CDH8: variants seen among roughly 807,000 people sequenced by gnomAD.
The protein encoded by CDH8 is cadherin 8.
In CDH8, 17 loss-of-function variants were observed where a neutral mutation model predicts 68.1. The ratio of observed to expected loss-of-function variants is 0.25; its 90% confidence interval spans 0.17 to 0.37. CDH8 has a LOEUF of 0.37. Ranked by LOEUF, CDH8 falls within the 10% of genes least tolerant of loss-of-function variation. The pLI is 1.00. For synonymous variants in CDH8, 372 were observed against 365.1 expected (o/e 1.02, Z -0.21); for missense variants, 763 against 999.3 (o/e 0.76, Z 3.19).
chr16:62,025,332 A>G (rs1363905278), intron 1 of CDH8, among the ~76,000 whole-genome samples: 1 of 151,978 alleles, frequency 6.6e-6, no homozygotes, highest in Non-Finnish European at 1.5e-5. Context: ...GTCTCTACAG[A>G]GTACATATTA....
chr16:61,810,803 CAGA>C (rs1021590578), intron 7 of CDH8, among the ~76,000 whole-genome samples: 1 of 151,978 alleles, frequency 6.6e-6, no homozygotes, highest in Non-Finnish European at 1.5e-5. Context: ...GGGGGCGGAT[CAGA>C]AGGTTAGGAG....
chr16:61,765,039 A>G (rs1462216839), intron 8 of CDH8, among the ~76,000 whole-genome samples: 4 of 152,094 alleles, frequency 2.6e-5, no homozygotes, highest in African/African-American at 9.6e-5. Context: ...AAGAGCTGTA[A>G]ACTGGATAAA....
rs373326853 is a variant in CDH8 at position 61,663,262 on chromosome 16, AT to A, written c.1655-7542del. ...GTTATGTAAATATGTATGAACTTTTATTCAGATTATGATAACAGATTGATTA... is the reference window on the plus strand; with the variant it reads ...GTTATGTAAATATGTATGAACTTTTATCAGATTATGATAACAGATTGATTA... On this transcript the variant is annotated intron_variant, in intron 10 of 11. Transcript: ENST00000577390. 9.2e-5 allele frequency among the ~76,000 whole-genome samples: 14 copies of A among 152,160 alleles called. 1 individual carries two copies. In the East Asian group the frequency reaches 1.7e-3, roughly 19 times the overall value.
intron 3 of CDH8, 167 bp downstream of exon 3, chr16:61,901,012 T>C: frequency 1.7e-6 from 1 of 604,342 alleles, no homozygotes; most frequent in Non-Finnish European, 2.9e-6. Context: ...ACTAAGGGAC[T>C]AAAGCTACTG....
intron 3 of CDH8, among the ~76,000 whole-genome samples, chr16:61,869,406 G>A (rs1026520879): frequency 6.6e-6 from 1 of 152,162 alleles, no homozygotes; most frequent in Non-Finnish European, 1.5e-5. Flanking sequence ...CAGGTTGGAG[G>A]TATGTAAAGG....
At chr16:61,828,077 T>C (rs892805339) in intron 4 of CDH8, among the ~76,000 whole-genome samples, 1 of 151,690 alleles carries the variant, frequency 6.6e-6, no homozygotes, top group Non-Finnish European at 1.5e-5. Context: ...AAGATACAGA[T>C]CATAAAGACC....
chr16:61,961,316 A>G (rs764063665), intron 2 of CDH8, among the ~76,000 whole-genome samples: 8 of 150,194 alleles, frequency 5.3e-5, no homozygotes, highest in Non-Finnish European at 1.0e-4. Context: ...CATAGTCTCA[A>G]AAAAAAAAAG....
chr16:62,011,065 C>T (rs1237166666), intron 2 of CDH8, among the ~76,000 whole-genome samples: 1 of 151,850 alleles, frequency 6.6e-6, no homozygotes, highest in South Asian at 2.1e-4. Context: ...TGCAACCCAG[C>T]TGGGTTATTC....
At chr16:61,695,318 T>A in intron 10 of CDH8, among the ~76,000 whole-genome samples, 1 of 152,138 alleles carries the variant, frequency 6.6e-6, no homozygotes, top group East Asian at 1.9e-4. Flanking sequence ...AACTGTCCCA[T>A]AAGCCCCCCA....
intron 2 of CDH8, among the ~76,000 whole-genome samples, chr16:61,971,100 G>T (rs952123230): frequency 2.6e-5 from 4 of 151,882 alleles, no homozygotes; most frequent in African/African-American, 9.7e-5. Context: ...CACCCTGCCC[G>T]CAAAACATTG....
At chr16:61,824,431 C>T (rs1367724743) in intron 5 of CDH8, among the ~76,000 whole-genome samples, 1 of 151,770 alleles carries the variant, frequency 6.6e-6, no homozygotes. Flanking sequence ...AGAAAGTGTT[C>T]GATGAGAGTA....
At chr16:62,008,028 T>C (rs8049975) in intron 2 of CDH8, among the ~76,000 whole-genome samples, 88,363 of 151,864 alleles carry the variant, frequency 0.58, 25,926 homozygotes, top group East Asian at 0.78. Flanking sequence ...ACACAGCTCA[T>C]TGCAGCCTTG....
At chr16:62,003,061 A>AT (rs2150598161) in intron 2 of CDH8, among the ~76,000 whole-genome samples, 1 of 152,182 alleles carries the variant, frequency 6.6e-6, no homozygotes, top group East Asian at 1.9e-4. Flanking sequence ...CAAAAAAAAA[A>AT]ATCAGAAATG....
chr16:61,704,290 A>G (rs1313005938), intron 10 of CDH8, among the ~76,000 whole-genome samples: 1 of 152,220 alleles, frequency 6.6e-6, no homozygotes, highest in African/African-American at 2.4e-5. Flanking sequence ...CCTTGTCTCC[A>G]GACTTAAATG....
At chr16:61,656,284 C>A (rs770968359) in intron 10 of CDH8, among the ~76,000 whole-genome samples, 2 of 152,160 alleles carry the variant, frequency 1.3e-5, no homozygotes, top group African/African-American at 2.4e-5. Context: ...CAAAATATTT[C>A]TTTTACAAAA....
intron 10 of CDH8, among the ~76,000 whole-genome samples, chr16:61,700,088 T>G (rs1011499284): frequency 2.0e-5 from 3 of 152,300 alleles, no homozygotes; most frequent in Admixed American, 2.0e-4. Flanking sequence ...TGATGTCTCA[T>G]TAACAGTATC....
chr16:61,916,447 G>A (rs544315792), intron 2 of CDH8, among the ~76,000 whole-genome samples: 13 of 152,106 alleles, frequency 8.5e-5, no homozygotes, highest in East Asian at 5.8e-4. Flanking sequence ...CCCAGGAGGC[G>A]GAGGTTGCAG....
rs1020942141 is a variant in CDH8, at chr16:61,756,811, G to T, written c.1415-29596C>A. ...ATGTCCCATTGAATAAGAATCTCTA[G>T]GCTTTGGAAATGGGATTCTCACTGT... On this transcript the variant is annotated intron_variant, in intron 8 of 11. Coordinates refer to ENST00000577390, the MANE Select transcript of CDH8 (RefSeq NM_001796.5). Among the ~76,000 whole-genome samples, 5 of 152,094 alleles carry T rather than the reference G, an allele frequency of 3.3e-5. No individual in the cohort carries two copies. In the East Asian group the frequency reaches 9.6e-4, roughly 29 times the overall value.
intron 8 of CDH8, among the ~76,000 whole-genome samples, chr16:61,740,574 A>G (rs1347966993): frequency 6.6e-6 from 1 of 152,156 alleles, no homozygotes; most frequent in African/African-American, 2.4e-5. Context: ...TATCTCCCTC[A>G]AGATAACCTC....
Sources: gnomAD v4.1 joint callset for allele counts (sites outside exome capture counted in the v4.1 genomes callset) on GRCh38, gnomAD v4.1.1 for gene constraint, MANE v1.5 for transcripts, NCBI Gene and HGNC (gene_info 2026-07-23, HGNC 2026-07-21) for gene names.